The following ENAH variants were observed in gnomAD, a reference collection of about 807,000 sequenced individuals.
ENAH encodes ENAH actin regulator.
In ENAH, 23 loss-of-function variants were observed where a neutral mutation model predicts 78.7. The observed-to-expected ratio is 0.29, with a 90% CI of 0.21 to 0.41. The LOEUF is 0.41. Ranked by LOEUF, ENAH falls within the 10% of genes least tolerant of loss-of-function variation. ENAH has a pLI of 1.00. For missense variants in ENAH, 544 were observed against 691.0 expected, an observed-to-expected ratio of 0.79 and a Z score of 2.39; for synonymous variants, 226 against 241.0, an observed-to-expected ratio of 0.94 and a Z score of 0.58.
intron 3 of ENAH, among the ~76,000 whole-genome samples, chr1:225,535,751 A>T (rs1158892755): frequency 1.3e-5 from 2 of 152,170 alleles, no homozygotes; most frequent in Non-Finnish European, 2.9e-5. Flanking sequence ...TCTTAAAAAA[A>T]TTTATGCAAT....
intron 1 of ENAH, among the ~76,000 whole-genome samples, chr1:225,582,629 A>C (rs1034597574): frequency 7.9e-5 from 12 of 152,230 alleles, no homozygotes; most frequent in Non-Finnish European, 1.5e-4. Flanking sequence ...GTGGGCAGGA[A>C]GGAACCCCAA....
In ENAH at chr1:225,590,082, A is replaced by AACACACAC. The variant is rs3050220; in HGVS notation, c.6-22676_6-22669dup. Among the ~76,000 whole-genome samples, 516 of 131,490 alleles carry AACACACAC rather than the reference A, an allele frequency of 3.9e-3. 1 individual carries two copies. The highest frequency in any genetic ancestry group is 7.3e-3 in the South Asian group (26 of 3,580). The allele number at this position is 131,490 out of a possible 152,430, so 86.3% of individuals were successfully genotyped here. ...GACTAATTGCCTCCCCTCATCACTC[A>AACACACAC]ACACACACACACACACACACACACA... On this transcript the variant is annotated intron_variant, in intron 1 of 13. Transcript: ENST00000366843.
intron 1 of ENAH, among the ~76,000 whole-genome samples, chr1:225,572,169 G>A (rs1329153080): frequency 1.3e-5 from 2 of 152,182 alleles, no homozygotes; most frequent in South Asian, 2.1e-4. Context: ...TGAATTATTG[G>A]ACACCCAGCT....
chr1:225,510,467 A>C (rs2096367880), intron 10 of ENAH, among the ~76,000 whole-genome samples: 1 of 152,138 alleles, frequency 6.6e-6, no homozygotes, highest in South Asian at 2.1e-4. Context: ...CATACAATTA[A>C]TTTTGGCTTA....
At chr1:225,518,986 A>G (rs551275289) in intron 5 of ENAH, 1 of 738,764 alleles carries the variant, frequency 1.4e-6, no homozygotes, top group Non-Finnish European at 2.0e-6. Flanking sequence ...AATTTCCAAG[A>G]GCTTTCTTTA....
chr1:225,558,673 G>A (rs1380141543), intron 2 of ENAH, among the ~76,000 whole-genome samples: 18 of 114,546 alleles, frequency 1.6e-4, no homozygotes, highest in African/African-American at 4.8e-4. Flanking sequence ...TCGCTCTGTC[G>A]CCCAGGCTGG....
At chr1:225,524,609 G>T (rs1030670449) in intron 4 of ENAH, 1 of 985,240 alleles carries the variant, frequency 1.0e-6, no homozygotes, top group Non-Finnish European at 1.2e-6. Flanking sequence ...AAGAGAAGGC[G>T]GTCAACTTTT....
rs1449660959 is a variant in ENAH at position 225,631,756 on chromosome 1, GACT to G, written c.5+20927_5+20929del. ...CAAAAAGTGCCAGTGCTCATTTTTG[GACT>G]ACATTTCTTTTGAAAGCATCATCTA... On this transcript the variant is annotated intron_variant, in intron 1 of 13. Transcript: ENST00000366843. Among the ~76,000 whole-genome samples the G allele has an allele frequency of 4.6e-5, 7 of 152,020 alleles. No individual in the cohort carries two copies. In the East Asian group the frequency reaches 5.8e-4, roughly 13 times the overall value.
chr1:225,619,182 A>T (rs190388333), intron 1 of ENAH, among the ~76,000 whole-genome samples: 1 of 152,240 alleles, frequency 6.6e-6, no homozygotes, highest in East Asian at 1.9e-4. Context: ...AATATTTTCT[A>T]TTGTCTTTCA....
intron 1 of ENAH, among the ~76,000 whole-genome samples, chr1:225,644,221 A>T (rs1015243828): frequency 2.0e-5 from 3 of 152,114 alleles, no homozygotes; most frequent in Non-Finnish European, 4.4e-5. Context: ...TCTGTTCAAA[A>T]TCTGTACTAC....
chr1:225,652,229 A>G (rs1047903896), intron 1 of ENAH: 1 of 654,056 alleles, frequency 1.5e-6, no homozygotes, highest in African/African-American at 2.0e-5. Context: ...GAGATTTCAG[A>G]CCTTTCAAAC....
At chr1:225,513,215 G>A (rs1415149512) in intron 7 of ENAH, among the ~76,000 whole-genome samples, 199 bp from the exon 8 acceptor site, 1 of 152,074 alleles carries the variant, frequency 6.6e-6, no homozygotes, top group African/African-American at 2.4e-5. Context: ...CTATCACCAA[G>A]AATGCAATGA....
Position 225,488,282 on chromosome 1 carries a change from C to T in ENAH, c.*9493G>A, listed in dbSNP as rs1197879357. On this transcript the variant is annotated 3_prime_UTR_variant, in exon 14 of 14. Transcript: ENST00000366843. ...ATCCTTCTGCCTCAGCCCCCCGAGT[C>T]GCTGTGCCTAGGAGCACGCACCACC... The T allele has an allele frequency of 3.3e-5, 5 of 152,088 alleles. No homozygotes were observed. The highest frequency in any genetic ancestry group is 7.2e-5 in the African/African-American group (3 of 41,418). The allele number at this position is 152,088 out of a possible 1,614,324, so 9.4% of individuals were successfully genotyped here. A position where few individuals can be genotyped will look rare whatever the true frequency, so the allele number is the denominator to read the frequency against.
intron 3 of ENAH, among the ~76,000 whole-genome samples, chr1:225,549,034 G>C (rs577116427): frequency 2.0e-5 from 3 of 152,110 alleles, no homozygotes; most frequent in East Asian, 1.9e-4. Flanking sequence ...GTTTTTAGTA[G>C]AGATGAGGTT....
intron 1 of ENAH, among the ~76,000 whole-genome samples, chr1:225,575,340 GA>G (rs2096783412): frequency 6.6e-6 from 1 of 152,014 alleles, no homozygotes; most frequent in African/African-American, 2.4e-5. Context: ...CTTCCAGAGG[GA>G]TATTTTTATA....
At chr1:225,538,718 G>C (rs543444729) in intron 3 of ENAH, among the ~76,000 whole-genome samples, 1 of 152,030 alleles carries the variant, frequency 6.6e-6, no homozygotes, top group South Asian at 2.1e-4. Context: ...TTGATAACTT[G>C]CTGAAAAATT....
chr1:225,581,935 A>T (rs1476878808), intron 1 of ENAH, among the ~76,000 whole-genome samples: 1 of 151,772 alleles, frequency 6.6e-6, no homozygotes, highest in Non-Finnish European at 1.5e-5. Flanking sequence ...CCTGAGCTCA[A>T]GCAATCCTCA....
intron 1 of ENAH, among the ~76,000 whole-genome samples, chr1:225,572,520 G>A (rs2096768370): frequency 6.6e-6 from 1 of 152,186 alleles, no homozygotes; most frequent in Non-Finnish European, 1.5e-5. Flanking sequence ...TGCAGATTTT[G>A]TTTTCTCCCC....
intron 1 of ENAH, among the ~76,000 whole-genome samples, chr1:225,616,924 T>A (rs1224365927): frequency 6.6e-6 from 1 of 151,794 alleles, no homozygotes; most frequent in Non-Finnish European, 1.5e-5. Flanking sequence ...AGTGGAGAAA[T>A]CCTGTCTCTA....
Sources: gnomAD v4.1 joint callset for allele counts (sites outside exome capture counted in the v4.1 genomes callset) on GRCh38, gnomAD v4.1.1 for gene constraint, MANE v1.5 for transcripts, NCBI Gene and HGNC (gene_info 2026-07-23, HGNC 2026-07-21) for gene names.